Variants in ITPK1 observed in about 807,000 individuals in gnomAD.
ITPK1 encodes the protein inositol-tetrakisphosphate 1-kinase, also known as inositol 1,3,4-trisphosphate 5/6-kinase.
A neutral mutation model predicts 45.3 loss-of-function variants in ITPK1; 21 were observed. The ratio of observed to expected loss-of-function variants is 0.46; its 90% CI spans 0.33 to 0.67. ITPK1 has a LOEUF of 0.67. Ranked by LOEUF, ITPK1 falls within the 30% of genes least tolerant of loss-of-function variation. The pLI is 0.02. For synonymous variants in ITPK1, 258 were observed against 253.6 expected (o/e 1.02, Z -0.16); for missense variants, 474 against 573.5 (o/e 0.83, Z 1.77).
At chr14:93,015,321 A>C (rs1888121990) in intron 4 of ITPK1, among the ~76,000 whole-genome samples, 1 of 152,190 alleles carries the variant, frequency 6.6e-6, no homozygotes, top group African/African-American at 2.4e-5. Flanking sequence ...TGTGGGGATC[A>C]AATGTAGCAC....
Position 93,077,000 on chromosome 14 carries a change from G to C in ITPK1, c.96-381C>G, listed in dbSNP as rs75829184. 0.016 allele frequency among the ~76,000 whole-genome samples: 2,423 copies of C among 152,076 alleles called. 63 individuals are homozygous for C. The highest frequency in any genetic ancestry group is 0.055 in the African/African-American group (2,290 of 41,466). On this transcript the variant is annotated intron_variant, in intron 2 of 10. Coordinates refer to ENST00000267615, the MANE Select transcript of ITPK1 (RefSeq NM_014216.6). The surrounding 1 kb of genome is among the most constrained non-coding windows in gnomAD (Gnocchi z 4.3). Reference sequence around the variant, plus strand: ...TCCCTGCCGAGCTCAACCCCCATAGGTCCCCATGTCCTCCCCATCAGGTCT... The same window carrying C: ...TCCCTGCCGAGCTCAACCCCCATAGCTCCCCATGTCCTCCCCATCAGGTCT...
intron 3 of ITPK1, among the ~76,000 whole-genome samples, chr14:93,021,254 C>T (rs1566739754): frequency 6.6e-6 from 1 of 151,932 alleles, no homozygotes; most frequent in Non-Finnish European, 1.5e-5. Flanking sequence ...GCAGGTCTCT[C>T]CAGAAGGGAA....
Position 92,998,945 on chromosome 14 carries a change from C to T in ITPK1, c.247-4948G>A, listed in dbSNP as rs1595123586. 2.6e-5 allele frequency: 4 copies of T among 152,354 alleles called. 1 individual carries two copies. Among genetic ancestry groups the T allele is most frequent in the East Asian group, 1.9e-4 (1 of 5,192 alleles). 9.4% of individuals were successfully genotyped at this position (152,354 alleles called of 1,614,324 possible). ...CACACTGCTTCTTTCAATATAAAAA[C>T]GCTATTGGGTAAAAGCCCAAACTAT... On this transcript the variant is annotated intron_variant, in intron 4 of 10. Transcript: ENST00000267615.
intron 9 of ITPK1, among the ~76,000 whole-genome samples, chr14:92,949,737 G>C (rs562387968): frequency 6.6e-6 from 1 of 152,246 alleles, no homozygotes; most frequent in African/African-American, 2.4e-5. Context: ...CCCATGGCAC[G>C]CCATTTACAA....
chr14:92,993,744 C>T (rs1886906197), intron 5 of ITPK1, 136 bp downstream of exon 5: 2 of 644,302 alleles, frequency 3.1e-6, no homozygotes, highest in South Asian at 3.6e-5. Context: ...ATGACTGCAC[C>T]ATGGAATTCA....
At chr14:93,022,355 T>G (rs1031767498) in intron 3 of ITPK1, among the ~76,000 whole-genome samples, 1 of 152,116 alleles carries the variant, frequency 6.6e-6, no homozygotes, top group African/African-American at 2.4e-5. Flanking sequence ...TGGCTAATGC[T>G]GGGCATGCCA....
chr14:93,077,460 G>A (rs1221782969), intron 2 of ITPK1, among the ~76,000 whole-genome samples: 1 of 152,168 alleles, frequency 6.6e-6, no homozygotes, highest in Non-Finnish European at 1.5e-5. Flanking sequence ...TGGGACTACA[G>A]GCACCCACCA....
intron 4 of ITPK1, among the ~76,000 whole-genome samples, chr14:93,003,451 C>T (rs533855334): frequency 3.3e-5 from 5 of 152,338 alleles, no homozygotes; most frequent in Admixed American, 3.3e-4. Flanking sequence ...AACCACATGC[C>T]ACAGATAGTC....
At chr14:93,071,561 A>G (rs1335990577) in intron 3 of ITPK1, 6 of 152,266 alleles carry the variant, frequency 3.9e-5, no homozygotes, top group African/African-American at 1.4e-4. Flanking sequence ...AACATACTGT[A>G]AATATTAACA....
At chr14:93,061,400 T>C (rs1890516773) in intron 3 of ITPK1, among the ~76,000 whole-genome samples, 1 of 152,050 alleles carries the variant, frequency 6.6e-6, no homozygotes. Context: ...CTCCTCTCCC[T>C]GGGGTGAGGA....
At chr14:92,995,135 G>T (rs368581276) in intron 4 of ITPK1, among the ~76,000 whole-genome samples, 2 of 152,204 alleles carry the variant, frequency 1.3e-5, no homozygotes, top group African/African-American at 4.8e-5. Context: ...CACTGCTGAC[G>T]CCCTGACTGG....
In ITPK1 at chr14:93,014,326, T is replaced by G. The variant is rs201798908; in HGVS notation, c.246+2350A>C. Among the ~76,000 whole-genome samples the G allele has an allele frequency of 2.0e-5, 3 of 152,176 alleles. No individual in the cohort carries two copies. The East Asian group carries it at 5.8e-4, about 29-fold the overall frequency. ...AAAGGAACACAGCGGGCACTCTCATTCACTGTTTGGACATCACTTGCCTGG... is the reference window on the plus strand; with the variant it reads ...AAAGGAACACAGCGGGCACTCTCATGCACTGTTTGGACATCACTTGCCTGG... On this transcript the variant is annotated intron_variant, in intron 4 of 10. Coordinates refer to ENST00000267615, the MANE Select transcript of ITPK1 (RefSeq NM_014216.6). The surrounding 1 kb of genome is among the most constrained non-coding windows in gnomAD (Gnocchi z 4.4).
intron 5 of ITPK1, among the ~76,000 whole-genome samples, chr14:92,964,104 CCCT>C (rs1885224500): frequency 6.6e-6 from 1 of 152,196 alleles, no homozygotes; most frequent in Non-Finnish European, 1.5e-5. Flanking sequence ...GCTTTTATCT[CCCT>C]CCTCATCCTC....
chr14:93,004,652 G>T (rs543118608), intron 4 of ITPK1, among the ~76,000 whole-genome samples: 56 of 152,154 alleles, frequency 3.7e-4, no homozygotes, highest in Non-Finnish European at 6.5e-4. Flanking sequence ...GGTGATGGAT[G>T]TCACCTATTC....
Position 92,948,538 on chromosome 14 carries a change from A to C in ITPK1, c.739-2045T>G, listed in dbSNP as rs186576805. 2.5e-3 allele frequency among the ~76,000 whole-genome samples: 384 copies of C among 151,910 alleles called. 1 individual carries two copies. Among genetic ancestry groups the C allele is most frequent in the Non-Finnish European group, 4.6e-3 (315 of 67,946 alleles). On this transcript the variant is annotated intron_variant, in intron 9 of 10. Coordinates refer to ENST00000267615, the MANE Select transcript of ITPK1 (RefSeq NM_014216.6). ...TTTTTTGTAGGGACAGGGTCTCACT[A>C]TCTTTCCCAGGCTGGTCTCAAACTC...
At chr14:93,082,737 T>C (rs976915988) in intron 2 of ITPK1, among the ~76,000 whole-genome samples, 7 of 152,258 alleles carry the variant, frequency 4.6e-5, no homozygotes, top group Admixed American at 4.6e-4. Context: ...AAGCCGGTCC[T>C]GGTCCTTTAC....
At chr14:93,089,879 A>G (rs1891797891) in intron 2 of ITPK1, among the ~76,000 whole-genome samples, 1 of 152,192 alleles carries the variant, frequency 6.6e-6, no homozygotes, top group Admixed American at 6.5e-5. Flanking sequence ...GCTGCCACCA[A>G]GCCAAAGCCA....
At chr14:93,075,386 T>C (rs1891180922) in intron 3 of ITPK1, among the ~76,000 whole-genome samples, 1 of 136,578 alleles carries the variant, frequency 7.3e-6, no homozygotes, top group Non-Finnish European at 1.6e-5. Context: ...AAAAATCTAG[T>C]GCAGAACATG....
At chr14:92,944,554 A>G (rs898317336) in intron 10 of ITPK1, among the ~76,000 whole-genome samples, 2 of 152,076 alleles carry the variant, frequency 1.3e-5, no homozygotes, top group African/African-American at 4.8e-5. Context: ...GCTCAGGTGC[A>G]AAGCTTCCCA....
Sources: gnomAD v4.1 joint callset for allele counts (sites outside exome capture counted in the v4.1 genomes callset) on GRCh38, gnomAD v4.1.1 for gene constraint, Gnocchi (gnomAD v3.1) non-coding constraint, MANE v1.5 for transcripts, NCBI Gene and HGNC (gene_info 2026-07-23, HGNC 2026-07-21) for gene names.